SLF2: variants seen among roughly 807,000 people sequenced by gnomAD.
SLF2 encodes SMC5-SMC6 complex localization factor protein 2.
In SLF2, 68 loss-of-function variants were observed where a neutral mutation model predicts 124.3. The observed-to-expected ratio is 0.55, with a 90% CI of 0.45 to 0.67. The LOEUF (loss-of-function observed/expected upper bound fraction) is 0.67. Among genes scored for constraint, SLF2 ranks in the 30% least tolerant of loss-of-function variants. The pLI, the probability that SLF2 is intolerant of heterozygous loss-of-function variation, is 0.00. For synonymous variants in SLF2, 480 were observed against 478.8 expected (o/e 1.00, Z -0.03); for missense variants, 1,246 against 1,373.7 (o/e 0.91, Z 1.47).
chr10:100,931,860 T>C (rs906098519), intron 9 of SLF2, among the ~76,000 whole-genome samples: 7 of 151,914 alleles, frequency 4.6e-5, no homozygotes, highest in Non-Finnish European at 7.4e-5. Flanking sequence ...GGTGTGGTGG[T>C]GGGCACTTGT....
At chr10:100,957,606 G>A (rs1430870406) in intron 18 of SLF2, among the ~76,000 whole-genome samples, 2 of 150,744 alleles carry the variant, frequency 1.3e-5, no homozygotes, top group African/African-American at 4.9e-5. Context: ...TGATCTGCCT[G>A]CCTCGGCATC....
At position 100,929,356 on chromosome 10, in the gene SLF2, G is replaced by A. The variant is rs1255114640; in HGVS notation, c.2082G>A (p.Arg694=). ...AGAAGCAACTACAAGAAGACATAAG[G>A]CAAGGCCGAGGCATTAAATCCCCAA... is the stretch of plus-strand genomic sequence containing the variant. ...ELQKQLQEDI[R]QGRGIKSPIR... is the part of the protein sequence containing the mutation. Residue 694 remains arginine (R), a synonymous_variant, in exon 7 of 20, where the codon AGG becomes AGA. Coordinates refer to ENST00000238961, the MANE Select transcript of SLF2 (RefSeq NM_018121.4). The A allele has an allele frequency of 1.2e-6, 2 of 1,613,142 alleles. No individual in the cohort carries two copies. Among genetic ancestry groups the A allele is most frequent in the Admixed American group, 1.7e-5 (1 of 59,980 alleles).
At chr10:100,955,786 A>G (rs1850318039) in intron 17 of SLF2, among the ~76,000 whole-genome samples, 1 of 152,088 alleles carries the variant, frequency 6.6e-6, no homozygotes, top group African/African-American at 2.4e-5. Context: ...GCACACTTGT[A>G]ATCCCAGCTA....
Position 100,913,004 on chromosome 10 carries a change from C to G in SLF2, c.-107C>G. 1.6e-6 allele frequency: 2 copies of G among 1,259,268 alleles called. No homozygotes were observed. Among genetic ancestry groups the G allele is most frequent in the Middle Eastern group, 1.9e-4 (1 of 5,162 alleles). 78.0% of individuals were successfully genotyped at this position (1,259,268 alleles called of 1,614,324 possible). A position where few individuals can be genotyped will look rare whatever the true frequency, so the allele number is the denominator to read the frequency against. ...CCGCCATGAAGAGAGAAGGGGGTGCCGCCCACCTCTGCTCCGACAGCCTCC... is the reference window on the plus strand; with the variant it reads ...CCGCCATGAAGAGAGAAGGGGGTGCGGCCCACCTCTGCTCCGACAGCCTCC... On this transcript the variant is annotated 5_prime_UTR_variant, in exon 1 of 20. Transcript: ENST00000238961.
At chr10:100,923,951 A>T in intron 4 of SLF2, 24 bp from the exon 5 acceptor site, 1 of 1,478,424 alleles carries the variant, frequency 6.8e-7, no homozygotes, top group African/African-American at 1.4e-5. Flanking sequence ...ATTTTTCACT[A>T]ATCTAACAAA....
chr10:100,924,159 G>C lies in SLF2; in HGVS notation c.1158G>C (p.Val386=), dbSNP rs1397482499. ...KHIALKTPGD[V]LRLEDISKEP... ...TTGCACTGAAGACACCTGGTGATGT[G>C]TTGCGCTTAGAAGATATATCCAAGG... Residue 386 remains valine (V), a synonymous_variant, in exon 5 of 20, where the codon GTG becomes GTC. Transcript: ENST00000238961. 6.2e-7 allele frequency: 1 copy of C among 1,614,000 alleles called. No homozygotes were observed. The highest frequency in any genetic ancestry group is 1.7e-5 in the Admixed American group (1 of 60,000).
At chr10:100,953,461 TAA>T (rs761648681) in intron 17 of SLF2, among the ~76,000 whole-genome samples, 2 of 143,214 alleles carry the variant, frequency 1.4e-5, no homozygotes, top group Non-Finnish European at 1.5e-5. Context: ...CATCTCTGTT[TAA>T]AAAAAAAAAA....
intron 11 of SLF2, among the ~76,000 whole-genome samples, chr10:100,942,801 G>A (rs1850007356): frequency 6.6e-6 from 1 of 152,118 alleles, no homozygotes; most frequent in Non-Finnish European, 1.5e-5. Flanking sequence ...TTACAAGCGT[G>A]AGCCACCATG....
chr10:100,923,758 A>G (rs1849560256), intron 4 of SLF2, among the ~76,000 whole-genome samples: 1 of 152,142 alleles, frequency 6.6e-6, no homozygotes, highest in Non-Finnish European at 1.5e-5. Flanking sequence ...TAGCTTTGGA[A>G]TGAAAATGAG....
At chr10:100,932,128 G>A (rs2133785504) in intron 9 of SLF2, among the ~76,000 whole-genome samples, 1 of 152,108 alleles carries the variant, frequency 6.6e-6, no homozygotes, top group Non-Finnish European at 1.5e-5. Flanking sequence ...GAACGATTAT[G>A]AATGACAAGT....
At chr10:100,926,373 G>GC (rs1849614855) in intron 6 of SLF2, 1 of 1,187,228 alleles carries the variant, frequency 8.4e-7, no homozygotes, top group Non-Finnish European at 1.1e-6. Flanking sequence ...GGAGGCCAAA[G>GC]CAGGCAAATC....
intron 6 of SLF2, among the ~76,000 whole-genome samples, chr10:100,928,408 C>T (rs1042589135): frequency 6.6e-6 from 1 of 152,066 alleles, no homozygotes; most frequent in Non-Finnish European, 1.5e-5. Context: ...TTAAATATTT[C>T]ATGAATTCTT....
chr10:100,932,692 AGTGTGTGTGTGT>A (rs111530755), intron 9 of SLF2, among the ~76,000 whole-genome samples: 1,444 of 133,622 alleles, frequency 0.011, 25 homozygotes, highest in African/African-American at 0.034. Context: ...ACAAACAATA[AGTGTGTGTGTGT>A]GTGTGTGTGT....
intron 11 of SLF2, chr10:100,943,509 G>A (rs1343453330): frequency 1.3e-5 from 2 of 152,142 alleles, no homozygotes; most frequent in South Asian, 4.1e-4. Flanking sequence ...TCTTTTGAAA[G>A]CTAAGTTCAT....
chr10:100,943,983 A>C, intron 11 of SLF2, 43 bp from the exon 12 acceptor site: 1 of 1,316,218 alleles, frequency 7.6e-7, no homozygotes, highest in Non-Finnish European at 1.1e-6. Context: ...TGAGTTATAT[A>C]TTTTGTGCCT....
chr10:100,952,848 A>G (rs1850245575), intron 17 of SLF2, among the ~76,000 whole-genome samples: 1 of 151,436 alleles, frequency 6.6e-6, no homozygotes, highest in Non-Finnish European at 1.5e-5. Context: ...CTGAGGCAGG[A>G]GAATTGCTTG....
At chr10:100,920,957 T>G (rs1849513907) in intron 4 of SLF2, among the ~76,000 whole-genome samples, 1 of 151,920 alleles carries the variant, frequency 6.6e-6, no homozygotes, top group South Asian at 2.1e-4. Context: ...TCGAAAAAAA[T>G]AAATAAATAA....
At position 100,947,117 on chromosome 10, in the gene SLF2, A is replaced by G. The variant is rs1850120217; in HGVS notation, c.3013A>G (p.Asn1005Asp). 1 of 1,579,706 alleles carries G rather than the reference A, an allele frequency of 6.3e-7. No individual in the cohort carries two copies. The highest frequency in any genetic ancestry group is 1.4e-5 in the African/African-American group (1 of 72,718). Residue 1005 changes from asparagine to aspartate, a missense_variant, in exon 14 of 20, where the codon AAT becomes GAT. By Grantham distance (23) the Asn-to-Asp change is conservative (BLOSUM62 1). Around this residue, in one of 3 missense-constraint regions of SLF2, gnomAD observed 535 missense variants for 632.8 expected, o/e 0.85. Transcript: ENST00000238961. ...NLLWLVQLVP[N>D]WTSRGRQLRQ... ...CCTGTGGTTGGTACAGCTGGTCCCT[A>G]ATTGGACATCACGTGGAAGGTATTA...
chr10:100,950,840 A>T, intron 17 of SLF2, 87 bp downstream of exon 17: 1 of 1,003,022 alleles, frequency 1.0e-6, no homozygotes, highest in South Asian at 1.4e-5. Flanking sequence ...ATAGGAGAAA[A>T]CTATGTAAAC....
Sources: gnomAD v4.1 joint callset for allele counts (sites outside exome capture counted in the v4.1 genomes callset) on GRCh38, gnomAD v4.1.1 for gene constraint, gnomAD v4.1.1 regional missense constraint, MANE v1.5 for transcripts, NCBI Gene and HGNC (gene_info 2026-07-23, HGNC 2026-07-21) for gene names.